The following RALYL variants were observed in gnomAD, a reference collection of about 807,000 sequenced individuals.
RALYL encodes the protein RNA-binding Raly-like protein.
Under a neutral mutation model 35.1 loss-of-function variants are expected in RALYL, and 29 were observed. The ratio of observed to expected loss-of-function variants is 0.83; its 90% confidence interval spans 0.61 to 1.13. RALYL has a LOEUF of 1.13. Among genes scored for constraint, RALYL ranks in the 50% most tolerant of loss-of-function variants. RALYL has a pLI of 0.00. For missense variants in RALYL, 359 were observed against 360.4 expected (o/e 1.00, Z 0.03); for synonymous variants, 120 against 127.6 (o/e 0.94, Z 0.40).
At chr8:84,729,367 AT>A (rs1362922970) in intron 2 of RALYL, among the ~76,000 whole-genome samples, 1 of 152,008 alleles carries the variant, frequency 6.6e-6, no homozygotes, top group Non-Finnish European at 1.5e-5. Flanking sequence ...GCTTAAGGAG[AT>A]TTTGGGCTCA....
chr8:84,409,015 A>G (rs2043840079), intron 1 of RALYL, among the ~76,000 whole-genome samples: 1 of 152,132 alleles, frequency 6.6e-6, no homozygotes, highest in Admixed American at 6.6e-5. Context: ...CCTGATATGG[A>G]AAAAGTAGTG....
intron 2 of RALYL, chr8:84,706,083 T>G (rs1841156961): frequency 6.5e-7 from 1 of 1,533,430 alleles, no homozygotes; most frequent in South Asian, 1.2e-5. Context: ...TGACCCAACT[T>G]TTTCATATCA....
chr8:84,200,444 TA>T (rs1356766436), intron 1 of RALYL, among the ~76,000 whole-genome samples: 1 of 152,126 alleles, frequency 6.6e-6, no homozygotes, highest in Admixed American at 6.5e-5. Flanking sequence ...TAATTTAGGA[TA>T]TTTTATATAG....
intron 6 of RALYL, among the ~76,000 whole-genome samples, chr8:84,865,953 T>C (rs1263739385): frequency 6.6e-6 from 1 of 152,214 alleles, no homozygotes; most frequent in African/African-American, 2.4e-5. Flanking sequence ...CTTTCTTATG[T>C]TGGGTTCCTC....
intron 1 of RALYL, among the ~76,000 whole-genome samples, chr8:84,399,698 CA>C (rs1028886975): frequency 6.6e-6 from 1 of 152,146 alleles, no homozygotes; most frequent in Non-Finnish European, 1.5e-5. Context: ...AACAGAATTA[CA>C]TTGTAATTAC....
intron 1 of RALYL, among the ~76,000 whole-genome samples, chr8:84,192,553 T>G (rs1330296608): frequency 7.2e-6 from 1 of 138,924 alleles, no homozygotes; most frequent in East Asian, 2.0e-4. Context: ...CTGAATTTTC[T>G]TTTTTTTTTT....
intron 1 of RALYL, among the ~76,000 whole-genome samples, chr8:84,428,486 C>T (rs989272485): frequency 3.3e-5 from 5 of 152,038 alleles, no homozygotes; most frequent in African/African-American, 1.2e-4. Context: ...AGAAATGGCT[C>T]AATGTAAAAG....
chr8:84,894,320 T>C (rs1015544821), intron 8 of RALYL, among the ~76,000 whole-genome samples: 4 of 152,216 alleles, frequency 2.6e-5, no homozygotes, highest in African/African-American at 7.2e-5. Context: ...CTGTGAGACA[T>C]GTTCCACAAA....
chr8:84,908,231 A>G (rs897164174), intron 8 of RALYL, among the ~76,000 whole-genome samples: 1 of 152,182 alleles, frequency 6.6e-6, no homozygotes, highest in Non-Finnish European at 1.5e-5. Context: ...GAAATTTACT[A>G]TCTTAGCAAT....
chr8:84,729,263 T>C (rs928488461), intron 2 of RALYL, among the ~76,000 whole-genome samples: 19 of 152,136 alleles, frequency 1.2e-4, no homozygotes, highest in African/African-American at 2.4e-5. Context: ...ACTCATGATT[T>C]GGCTGTCTGT....
At chr8:84,425,166 G>T (rs1421999861) in intron 1 of RALYL, among the ~76,000 whole-genome samples, 1 of 152,162 alleles carries the variant, frequency 6.6e-6, no homozygotes, top group African/African-American at 2.4e-5. Flanking sequence ...CTACCTTGCA[G>T]TTTGATCTCA....
chr8:84,870,103 T>G (rs928658307), intron 6 of RALYL, among the ~76,000 whole-genome samples: 2 of 152,166 alleles, frequency 1.3e-5, no homozygotes, highest in African/African-American at 4.8e-5. Context: ...TAAAGTAATT[T>G]GTCCTAGGAA....
chr8:84,386,088 AC>A (rs1326985567), intron 1 of RALYL, among the ~76,000 whole-genome samples: 1 of 151,790 alleles, frequency 6.6e-6, no homozygotes, highest in Non-Finnish European at 1.5e-5. Flanking sequence ...CTTTTCTGAT[AC>A]TTGAATTAGA....
intron 6 of RALYL, chr8:84,864,591 C>A (rs1838795816): frequency 1.7e-5 from 4 of 234,990 alleles, no homozygotes; most frequent in Admixed American, 5.3e-5. Context: ...AAAGATTTAT[C>A]CTAAGGATTA....
At chr8:84,667,387 C>CTT (rs1371591100) in intron 2 of RALYL, among the ~76,000 whole-genome samples, 1 of 152,014 alleles carries the variant, frequency 6.6e-6, no homozygotes, top group Non-Finnish European at 1.5e-5. Context: ...TTGTCAAGAA[C>CTT]TTTAAGTGGT....
chr8:84,423,479 C>G (rs571771523), intron 1 of RALYL, among the ~76,000 whole-genome samples: 2 of 152,154 alleles, frequency 1.3e-5, no homozygotes, highest in South Asian at 4.1e-4. Context: ...ATACAGCACA[C>G]TGATGGATCT....
At chr8:84,468,513 G>T (rs960156600) in intron 1 of RALYL, among the ~76,000 whole-genome samples, 11 of 149,866 alleles carry the variant, frequency 7.3e-5, no homozygotes, top group African/African-American at 2.7e-4. Flanking sequence ...CGAGAGATCT[G>T]CTGTTAGTCT....
chr8:84,609,889 CA>C (rs11300571), intron 2 of RALYL, among the ~76,000 whole-genome samples: 379 of 152,184 alleles, frequency 2.5e-3, no homozygotes, highest in African/African-American at 8.8e-3. Context: ...AAAGGAAAAG[CA>C]AAGGGATGCC....
At chr8:84,565,806 G>A (rs750078235) in intron 2 of RALYL, among the ~76,000 whole-genome samples, 4 of 151,562 alleles carry the variant, frequency 2.6e-5, no homozygotes, top group South Asian at 2.1e-4. Context: ...AATAATTTAC[G>A]TAACTTTTCT....
Sources: allele counts gnomAD v4.1 joint callset (sites outside exome capture counted in the v4.1 genomes callset), GRCh38; gene constraint gnomAD v4.1.1; transcripts MANE v1.5; gene names NCBI Gene and HGNC (gene_info 2026-07-23, HGNC 2026-07-21).